DST: variants seen among roughly 807,000 people sequenced by gnomAD.
DST encodes bullous pemphigoid antigen.
DST carries 253 observed loss-of-function variants against 875.2 expected under a neutral mutation model. The ratio of observed to expected loss-of-function variants is 0.29; its 90% CI spans 0.26 to 0.32. DST has a LOEUF of 0.32. Among genes scored for constraint, DST ranks in the 10% least tolerant of loss-of-function variants. DST has a pLI of 1.00. For synonymous variants in DST, 3,124 were observed against 3,197.1 expected, an observed-to-expected ratio of 0.98 and a Z score of 0.77; for missense variants, 8,287 against 9,111.6, an observed-to-expected ratio of 0.91 and a Z score of 3.68.
intron 43 of DST, among the ~76,000 whole-genome samples, 174 bp from the exon 44 acceptor site, chr6:56,601,850 TA>T (rs1323608530): frequency 6.6e-6 from 1 of 152,014 alleles, no homozygotes; most frequent in Non-Finnish European, 1.5e-5. Flanking sequence ...AATGATAAAT[TA>T]ATTATTTAAA....
In DST at chr6:56,592,187, T is replaced by A; in HGVS notation, c.12898A>T (p.Thr4300Ser). The part of the protein sequence containing the change: ...PKNLQRQLEE[T>S]KALQGQISSQ... ...ATCTTTCTCTCGCTTTTTACCTTGG[T>A]CTCTTCTAATTGCCTTTGAAGATTT... Residue 4300 changes from threonine (T) to serine (S), a missense_variant, in exon 49 of 104, where the codon ACC (threonine) becomes TCC (serine). Physicochemically the swap from Thr to Ser is moderately conservative, Grantham distance 58. Transcript: ENST00000680361. 6.2e-7 allele frequency: 1 copy of A among 1,612,962 alleles called. No homozygotes were observed. Among genetic ancestry groups the A allele is most frequent in the African/African-American group, 1.3e-5 (1 of 75,032 alleles).
At chr6:56,495,699 G>A (rs1242829617) in intron 82 of DST, among the ~76,000 whole-genome samples, 1 of 151,728 alleles carries the variant, frequency 6.6e-6, no homozygotes, top group African/African-American at 2.4e-5. Context: ...AAACAAATAG[G>A]TCTCCTGTGG....
Position 56,607,157 on chromosome 6 carries a change from G to C in DST, c.7471C>G (p.Leu2491Val). The C allele has an allele frequency of 6.2e-7, 1 of 1,613,306 alleles. No homozygotes were observed. Among genetic ancestry groups the C allele is most frequent in the South Asian group, 1.1e-5 (1 of 91,060 alleles). Residue 2491 changes from leucine (L) to valine (V), a missense_variant, in exon 40 of 104, where the codon CTG (leucine) becomes GTG (valine). Physicochemically the swap from Leu to Val is conservative, Grantham distance 32. This residue lies in a region of DST where 3,138 missense variants were observed against 3,116.6 expected (regional missense o/e 1.01). Transcript: ENST00000680361. ...RIGEKFQDQF[L>V]GIAAINISLP... ...CTGATGTTAATAGCTGCAATTCCCA[G>C]AAACTGGTCTTGAAATTTTTCTCCT...
intron 4 of DST, among the ~76,000 whole-genome samples, chr6:56,844,517 G>C (rs1280751489): frequency 7.2e-5 from 11 of 152,212 alleles, no homozygotes; most frequent in Non-Finnish European, 1.6e-4. Context: ...ATACTAAAGT[G>C]GGTGAGTTTA....
intron 36 of DST, chr6:56,617,006 G>A (rs1271755429): frequency 6.2e-7 from 1 of 1,610,648 alleles, no homozygotes; most frequent in Non-Finnish European, 8.5e-7. Flanking sequence ...GGCCGCTGAG[G>A]CAAATGAAAT....
chr6:56,693,196 T>A, intron 9 of DST: 1 of 1,232,852 alleles, frequency 8.1e-7, no homozygotes. Flanking sequence ...CATTTCAAAA[T>A]CCAGAGCTTA....
At chr6:56,934,560 T>TATATATATATATATATA (rs1554267212) in intron 2 of DST, among the ~76,000 whole-genome samples, 10 of 106,486 alleles carry the variant, frequency 9.4e-5, no homozygotes, top group African/African-American at 3.5e-4. Flanking sequence ...ATATATTATA[T>TATATATATATATATATA]TATATATATA....
chr6:56,946,793 G>A (rs550913427), intron 2 of DST, among the ~76,000 whole-genome samples: 1 of 151,934 alleles, frequency 6.6e-6, no homozygotes, highest in South Asian at 2.1e-4. Flanking sequence ...TTCATAGGAG[G>A]GTAAACATTT....
intron 5 of DST, among the ~76,000 whole-genome samples, chr6:56,730,918 C>T (rs1404960201): frequency 4.6e-5 from 7 of 152,204 alleles, no homozygotes; most frequent in Admixed American, 3.3e-4. Flanking sequence ...AAAAAAGCCA[C>T]GGATGTCTGC....
At position 56,607,054 on chromosome 6, in the gene DST, T is replaced by G. The variant is rs779217972; in HGVS notation, c.7574A>C (p.Lys2525Thr). The G allele has an allele frequency of 1.5e-5, 25 of 1,613,206 alleles. No homozygotes were observed. In the South Asian group the frequency reaches 2.7e-4, roughly 18 times the overall value. ...CTCACCAGAAGTATTTGAAATGTAT[T>G]TATCATTGTGATATTGTACTTGAGG... ...SNPQVQYHND[K>T]YISNTSGEDE... Residue 2525 changes from lysine to threonine, a missense_variant, in exon 40 of 104, where the codon AAA (lysine) becomes ACA (threonine). Lys to Thr is a moderately conservative substitution (Grantham distance 78). This residue lies in a region of DST where 3,138 missense variants were observed against 3,116.6 expected (regional missense o/e 1.01). Transcript: ENST00000680361.
chr6:56,712,153 TTCTG>T (rs2099369250), intron 5 of DST, among the ~76,000 whole-genome samples: 1 of 151,950 alleles, frequency 6.6e-6, no homozygotes, highest in Non-Finnish European at 1.5e-5. Flanking sequence ...CTTTCCAGTA[TTCTG>T]TCTGTTTGGC....
At position 56,593,710 on chromosome 6, in the gene DST, G is replaced by A. The variant is rs768995060; in HGVS notation, c.12679C>T (p.Arg4227Cys). ...CGATCAGTAGCATGATCCAACTTGC[G>A]CTGCACTTCTCTGTGGGTTGCAGAA... Reference protein sequence around the residue: ...DTSATHREVQRKLDHATDRFR... With the variant: ...DTSATHREVQCKLDHATDRFR... The change falls in exon 48 of 104, where the codon CGC becomes TGC. Residue 4227 changes from arginine to cysteine, a missense_variant. Around this residue, in one of 10 missense-constraint regions of DST, gnomAD observed 1,513 missense variants for 1,677.8 expected, o/e 0.90. Coordinates refer to ENST00000680361, the MANE Select transcript of DST (RefSeq NM_001374736.1). The A allele has an allele frequency of 6.2e-6, 10 of 1,612,528 alleles. No individual in the cohort carries two copies. The highest frequency in any genetic ancestry group is 8.5e-6 in the Non-Finnish European group (10 of 1,178,948).
chr6:56,639,802 AG>A, intron 19 of DST, 29 bp from the exon 20 acceptor site: 1 of 1,605,438 alleles, frequency 6.2e-7, no homozygotes, highest in Non-Finnish European at 8.5e-7. Context: ...AAGACACTCC[AG>A]TCAGGAATCT....
rs191706832 is a variant in DST at position 56,548,678 on chromosome 6, C to A, written c.16608+3506G>T. On this transcript the variant is annotated intron_variant, in intron 61 of 103. Transcript: ENST00000680361. Reference sequence around the variant, plus strand: ...AGAATCGCCCTGCTATTCATTCCACCAATTTATAACAGTGTGCATAGAATT... The same window carrying A: ...AGAATCGCCCTGCTATTCATTCCACAAATTTATAACAGTGTGCATAGAATT... Among the ~76,000 whole-genome samples, 147 of 152,242 alleles carry A rather than the reference C, an allele frequency of 9.7e-4. 1 individual carries two copies. The highest frequency in any genetic ancestry group is 3.4e-3 in the African/African-American group (142 of 41,554).
Position 56,865,019 on chromosome 6 carries a change from T to C in DST, c.418-13415A>G, listed in dbSNP as rs75130396. 2.6e-5 allele frequency among the ~76,000 whole-genome samples: 4 copies of C among 152,302 alleles called. No individual in the cohort carries two copies. In the East Asian group the frequency reaches 7.7e-4, roughly 29 times the overall value. Reference sequence around the variant, plus strand: ...CAGTATGAATAAGGCCACCAGACTATGTCCTGCAGAAGTGTTTTGATAAAA... The same window carrying C: ...CAGTATGAATAAGGCCACCAGACTACGTCCTGCAGAAGTGTTTTGATAAAA... On this transcript the variant is annotated intron_variant, in intron 3 of 103. Transcript: ENST00000680361.
At chr6:56,934,428 C>G (rs770624593) in intron 2 of DST, among the ~76,000 whole-genome samples, 15 of 151,234 alleles carry the variant, frequency 9.9e-5, no homozygotes, top group Non-Finnish European at 1.9e-4. Flanking sequence ...TTGTTATGGT[C>G]TGGGCTTATA....
chr6:56,515,464 G>C lies in DST; in HGVS notation c.18562C>G (p.Gln6188Glu). The part of the protein sequence containing the change: ...ALEYETLRQQ[Q>E]EEHRQLRELI... ...ACCAGGCTTACCCGATGTTCTTCCT[G>C]CTGCTGCCTTAGAGTTTCATATTCA... The change falls in exon 72 of 104, where the codon CAG becomes GAG. Residue 6188 changes from glutamine to glutamate, a missense_variant. Gln to Glu is a conservative substitution (Grantham distance 29). Around this residue, in one of 10 missense-constraint regions of DST, gnomAD observed 1,292 missense variants for 1,552.7 expected, o/e 0.83. Transcript: ENST00000680361. The C allele has an allele frequency of 6.2e-7, 1 of 1,613,824 alleles. No homozygotes were observed. Among genetic ancestry groups the C allele is most frequent in the Non-Finnish European group, 8.5e-7 (1 of 1,179,772 alleles).
intron 7 of DST, among the ~76,000 whole-genome samples, chr6:56,702,765 A>C (rs751381150): frequency 5.3e-5 from 8 of 152,216 alleles, no homozygotes; most frequent in Non-Finnish European, 1.0e-4. Context: ...CTTAGCAAAA[A>C]TACAAAAAAT....
chr6:56,586,173 T>A (rs994435732), intron 49 of DST, among the ~76,000 whole-genome samples: 2 of 151,892 alleles, frequency 1.3e-5, no homozygotes, highest in Non-Finnish European at 2.9e-5. Context: ...GTCTCGTTGA[T>A]CTGTCTAATG....
Sources: gnomAD v4.1 joint callset for allele counts (sites outside exome capture counted in the v4.1 genomes callset) on GRCh38, gnomAD v4.1.1 for gene constraint, gnomAD v4.1.1 regional missense constraint, MANE v1.5 for transcripts, NCBI Gene and HGNC (gene_info 2026-07-23, HGNC 2026-07-21) for gene names.